Variants in FRY observed in about 807,000 individuals in gnomAD.
FRY encodes the protein protein furry homolog.
In FRY, 128 loss-of-function variants were observed where a neutral mutation model predicts 348.4. The ratio of observed to expected loss-of-function variants is 0.37; its 90% CI spans 0.32 to 0.43. The LOEUF is 0.43. Ranked by LOEUF, FRY falls within the 20% of genes least tolerant of loss-of-function variation. The probability of loss-of-function intolerance (pLI) is 1.00; values close to 1 mark genes in which losing one functional copy is unlikely to be tolerated. For missense variants in FRY, 2,736 were observed against 3,695.2 expected (o/e 0.74, Z 6.73); for synonymous variants, 1,370 against 1,374.7 (o/e 1.00, Z 0.08).
chr13:32,105,334 C>T lies in FRY; in HGVS notation c.324+3318C>T, dbSNP rs1275533557. On this transcript the variant is annotated intron_variant, in intron 3 of 60. Coordinates refer to ENST00000542859, the MANE Select transcript of FRY (RefSeq NM_023037.3). ...AGCCATCTTGGAAGTAGAGACCGAA[C>T]CTTCACCAGACAGTGAACCTGCTGG... 2.6e-5 allele frequency among the ~76,000 whole-genome samples: 4 copies of T among 152,200 alleles called. No homozygotes were observed. In the East Asian group the frequency reaches 7.7e-4, roughly 29 times the overall value.
At position 32,244,125 on chromosome 13, in the gene FRY, C is replaced by T. The variant is rs146000974; in HGVS notation, c.6771C>T (p.Val2257=). The change falls in exon 47 of 61, where the codon GTC becomes GTT. Residue 2257 remains valine, a synonymous_variant. Transcript: ENST00000542859. ...YSLLSYMDLS[V]VPVKQFNVEV... is the part of the protein sequence containing the mutation. ...TTCTCAGCTACATGGACCTTTCTGT[C>T]GTTCCTGTCAAACAGTTCAATGTGG... 21 of 1,613,728 alleles carry T rather than the reference C, an allele frequency of 1.3e-5. No homozygotes were observed. The highest frequency in any genetic ancestry group is 1.6e-4 in the Middle Eastern group (1 of 6,062).
At chr13:32,240,888 A>G (rs1011242349) in intron 46 of FRY, among the ~76,000 whole-genome samples, 3 of 152,212 alleles carry the variant, frequency 2.0e-5, no homozygotes, top group African/African-American at 7.2e-5. Flanking sequence ...ACAAGCCTGA[A>G]AGCATCTACC....
At chr13:32,102,624 T>A (rs546343345) in intron 3 of FRY, among the ~76,000 whole-genome samples, 47 of 152,272 alleles carry the variant, frequency 3.1e-4, no homozygotes, top group African/African-American at 1.1e-3. Flanking sequence ...ACAAGGTAAG[T>A]CCTTTGAAAA....
intron 48 of FRY, among the ~76,000 whole-genome samples, chr13:32,248,181 C>T (rs1886898152): frequency 1.3e-5 from 2 of 152,196 alleles, no homozygotes; most frequent in Admixed American, 6.5e-5. Context: ...GTACTCTGTT[C>T]CTGTTTATAA....
chr13:32,214,278 C>G (rs1394517337), intron 35 of FRY, among the ~76,000 whole-genome samples: 1 of 152,178 alleles, frequency 6.6e-6, no homozygotes, highest in Non-Finnish European at 1.5e-5. Context: ...TACAGACACA[C>G]TTAACCACCA....
In FRY at chr13:32,147,939, A is replaced by G; in HGVS notation, c.1384A>G (p.Ile462Val). The stretch of plus-strand genomic sequence containing the variant: ...CATCTTTGTGAAAATCATCCAGTTC[A>G]TTGCCCAGGTAATGGAGAAGATTCC... ...LNIFVKIIQF[I>V]AQERLDFAMK... is the part of the protein sequence containing the mutation. Residue 462 changes from isoleucine to valine, a missense_variant, in exon 13 of 61, where the codon ATT becomes GTT. Physicochemically the swap from Ile to Val is conservative, Grantham distance 29 (BLOSUM62 3). This residue lies in a region of FRY where 191 missense variants were observed against 370.2 expected (regional missense o/e 0.52). Transcript: ENST00000542859. The G allele has an allele frequency of 6.4e-7, 1 of 1,567,560 alleles. No homozygotes were observed. Among genetic ancestry groups the G allele is most frequent in the Non-Finnish European group, 8.8e-7 (1 of 1,137,530 alleles).
intron 51 of FRY, among the ~76,000 whole-genome samples, chr13:32,260,612 C>T (rs556504839): frequency 6.6e-6 from 1 of 152,184 alleles, no homozygotes; most frequent in Non-Finnish European, 1.5e-5. Flanking sequence ...CAGTGGCTCA[C>T]GCCTGTAATC....
chr13:32,110,128 G>A (rs1170852888), intron 3 of FRY, among the ~76,000 whole-genome samples: 2 of 152,168 alleles, frequency 1.3e-5, no homozygotes, highest in Non-Finnish European at 2.9e-5. Context: ...TTTCATAGTC[G>A]ATGGACTAAT....
chr13:32,188,718 T>G (rs1362301886), intron 28 of FRY, among the ~76,000 whole-genome samples: 1 of 152,132 alleles, frequency 6.6e-6, no homozygotes. Context: ...TGGTAGCCAT[T>G]GTTTTTATTG....
intron 2 of FRY, among the ~76,000 whole-genome samples, chr13:32,095,198 A>T (rs1404921853): frequency 2.0e-5 from 3 of 152,012 alleles, no homozygotes; most frequent in Non-Finnish European, 4.4e-5. Flanking sequence ...GGATGATTAG[A>T]TTTTTTCCCA....
rs1299632507 is a variant in FRY, at chr13:32,147,282, A to C, written c.1180A>C (p.Asn394His). Reference sequence around the variant, plus strand: ...TCTTACATCTTGGTTTCTGTTATAGAACAAAGATCCCAAGATGGCTCGAGT... The same window carrying C: ...TCTTACATCTTGGTTTCTGTTATAGCACAAAGATCCCAAGATGGCTCGAGT... Reference protein sequence around the residue: ...FLNNCLSNLKNKDPKMARVAL... With the variant: ...FLNNCLSNLKHKDPKMARVAL... Residue 394 changes from asparagine to histidine, a missense_variant and splice_region_variant, in exon 12 of 61, where the codon AAC becomes CAC. By Grantham distance (68) the Asn-to-His change is moderately conservative. Coordinates refer to ENST00000542859, the MANE Select transcript of FRY (RefSeq NM_023037.3). The C allele has an allele frequency of 1.3e-6, 2 of 1,586,528 alleles. No individual in the cohort carries two copies. Among genetic ancestry groups the C allele is most frequent in the South Asian group, 2.2e-5 (2 of 90,448 alleles).
chr13:32,232,535 G>A (rs1022881537), intron 41 of FRY, among the ~76,000 whole-genome samples: 1 of 152,200 alleles, frequency 6.6e-6, no homozygotes, highest in Non-Finnish European at 1.5e-5. Context: ...TGTTTGGCAG[G>A]TGGCCTTCCG....
intron 1 of FRY, among the ~76,000 whole-genome samples, chr13:32,048,374 G>A (rs967498308): frequency 1.3e-5 from 2 of 152,122 alleles, no homozygotes; most frequent in African/African-American, 4.8e-5. Context: ...TTTTGTTTGA[G>A]TGAGTTCAAC....
chr13:32,289,813 C>T (rs1889243264), intron 59 of FRY, 70 bp downstream of exon 59: 1 of 827,954 alleles, frequency 1.2e-6, no homozygotes, highest in African/African-American at 1.7e-5. Flanking sequence ...CCTCACTCCA[C>T]CCCTTTTATA....
At chr13:32,224,816 G>C in intron 37 of FRY, 117 bp from the exon 38 acceptor site, 2 of 729,384 alleles carry the variant, frequency 2.7e-6, no homozygotes, top group South Asian at 1.5e-5. Context: ...CCCCGAATAA[G>C]AGCCTTATAT....
At chr13:32,106,488 C>A (rs983077222) in intron 3 of FRY, among the ~76,000 whole-genome samples, 4 of 152,104 alleles carry the variant, frequency 2.6e-5, no homozygotes, top group Non-Finnish European at 5.9e-5. Flanking sequence ...TCTTCTTGAG[C>A]AAGATTATTT....
intron 59 of FRY, among the ~76,000 whole-genome samples, chr13:32,291,015 G>A (rs762347232): frequency 7.9e-5 from 12 of 152,178 alleles, no homozygotes; most frequent in Non-Finnish European, 4.4e-5. Flanking sequence ...CTTAAACGGC[G>A]ACTGACCTCT....
chr13:32,203,498 T>C (rs1884168333), intron 31 of FRY, among the ~76,000 whole-genome samples: 1 of 152,064 alleles, frequency 6.6e-6, no homozygotes, highest in African/African-American at 2.4e-5. Context: ...CGAGGAGGGC[T>C]AATCACCTGA....
chr13:32,231,235 A>G lies in FRY; in HGVS notation c.5462A>G (p.Lys1821Arg). The change falls in exon 41 of 61, where the codon AAG (lysine) becomes AGG (arginine). Residue 1821 changes from lysine (K) to arginine (R), a missense_variant. Lys to Arg is a conservative substitution (Grantham distance 26, BLOSUM62 2). Transcript: ENST00000542859. Reference sequence around the variant, plus strand: ...ATCACACCTAAAAATCAAAATTCAAAGAGTGCTGAACAGCTCACTAATTTT... The same window carrying G: ...ATCACACCTAAAAATCAAAATTCAAGGAGTGCTGAACAGCTCACTAATTTT... ...EDITPKNQNS[K>R]SAEQLTNFLR... is the part of the protein sequence containing the mutation. 6.2e-7 allele frequency: 1 copy of G among 1,612,970 alleles called. No homozygotes were observed. The highest frequency in any genetic ancestry group is 1.3e-5 in the African/African-American group (1 of 75,038).
Sources: allele counts gnomAD v4.1 joint callset (sites outside exome capture counted in the v4.1 genomes callset), GRCh38; gene constraint gnomAD v4.1.1; regional missense constraint gnomAD v4.1.1; transcripts MANE v1.5; gene names NCBI Gene and HGNC (gene_info 2026-07-23, HGNC 2026-07-21).